Variants in KIF16B observed in about 807,000 individuals in gnomAD.
The protein encoded by KIF16B is kinesin family member 16B.
Under a neutral mutation model 156.3 loss-of-function variants are expected in KIF16B, and 98 were observed. The observed-to-expected ratio is 0.63, with a 90% CI of 0.53 to 0.74. The LOEUF is 0.74. KIF16B is among the 30% of genes least tolerant of loss of function. The pLI is 0.00. For missense variants in KIF16B, 1,421 were observed against 1,606.5 expected, an observed-to-expected ratio of 0.88 and a Z score of 1.97; for synonymous variants, 564 against 583.7, an observed-to-expected ratio of 0.97 and a Z score of 0.49.
intron 21 of KIF16B, 52 bp from the exon 22 acceptor site, chr20:16,370,688 G>T (rs2064796456): frequency 7.6e-7 from 1 of 1,320,034 alleles, no homozygotes; most frequent in Non-Finnish European, 1.0e-6. Flanking sequence ...AGTTCACGGG[G>T]CGGGGGACTG....
chr20:16,486,294 A>G (rs777175597), intron 12 of KIF16B, among the ~76,000 whole-genome samples: 2 of 152,060 alleles, frequency 1.3e-5, no homozygotes, highest in Non-Finnish European at 2.9e-5. Flanking sequence ...GGGAGAAAGG[A>G]AGGGAGGGAT....
intron 1 of KIF16B, among the ~76,000 whole-genome samples, chr20:16,547,465 C>T (rs777710592): frequency 8.5e-5 from 13 of 152,190 alleles, no homozygotes; most frequent in Non-Finnish European, 1.8e-4. Flanking sequence ...AAAAAAGAAG[C>T]GCAATCACAT....
intron 22 of KIF16B, chr20:16,367,679 C>A (rs575000982): frequency 6.2e-7 from 1 of 1,612,556 alleles, no homozygotes; most frequent in South Asian, 1.1e-5. Flanking sequence ...TTGGATGACA[C>A]CTGAACTCCA....
At chr20:16,373,440 G>A (rs1337029928) in intron 20 of KIF16B, among the ~76,000 whole-genome samples, 1 of 152,144 alleles carries the variant, frequency 6.6e-6, no homozygotes, top group Non-Finnish European at 1.5e-5. Context: ...TTTCTTACAG[G>A]CAAAGAATAA....
chr20:16,454,635 T>C (rs6043956), intron 12 of KIF16B, among the ~76,000 whole-genome samples: 47,645 of 151,942 alleles, frequency 0.31, 8,150 homozygotes, highest in African/African-American at 0.45. Flanking sequence ...GTTTAAAATA[T>C]CTTTGTAGAT....
At position 16,554,669 on chromosome 20, in the gene KIF16B, A is replaced by AGGAGAGAAGAGG. The variant is rs112025234; in HGVS notation, c.47+18548_47+18559dup. On this transcript the variant is annotated intron_variant, in intron 1 of 25. Coordinates refer to ENST00000354981, the MANE Select transcript of KIF16B (RefSeq NM_024704.5). ...GCTCACCACGTTGCAGGCAACAAAA[A>AGGAGAGAAGAGG]GGAGAGAAGAGGGGAGAGAAGAGCT... is the stretch of plus-strand genomic sequence containing the variant. 4.2e-3 allele frequency among the ~76,000 whole-genome samples: 638 copies of AGGAGAGAAGAGG among 152,350 alleles called. 3 individuals are homozygous for AGGAGAGAAGAGG. The highest frequency in any genetic ancestry group is 0.015 in the African/African-American group (604 of 41,584).
chr20:16,369,009 A>G (rs2064750497), intron 22 of KIF16B: 2 of 985,762 alleles, frequency 2.0e-6, no homozygotes, highest in Non-Finnish European at 2.4e-6. Context: ...CAAAATGGCC[A>G]GCATGCTCAG....
chr20:16,441,875 G>A (rs1045031472), intron 12 of KIF16B, among the ~76,000 whole-genome samples: 18 of 152,080 alleles, frequency 1.2e-4, no homozygotes, highest in African/African-American at 4.3e-4. Flanking sequence ...AGTAAAGCAG[G>A]CACCCTCTTA....
chr20:16,397,837 C>CAG lies in KIF16B; in HGVS notation c.1784+6975_1784+6976insCT, dbSNP rs1478395984. Among the ~76,000 whole-genome samples, 9 of 152,294 alleles carry CAG rather than the reference C, an allele frequency of 5.9e-5. No homozygotes were observed. In the East Asian group the frequency reaches 1.7e-3, roughly 29 times the overall value. On this transcript the variant is annotated intron_variant, in intron 17 of 25. Transcript: ENST00000354981. ...GGAGATAGAAAACAGCACACAGGGACCACTGACAAAAGACCTGGGCAGACC... is the reference window on the plus strand; with the variant it reads ...GGAGATAGAAAACAGCACACAGGGACAGCACTGACAAAAGACCTGGGCAGACC...
intron 23 of KIF16B, among the ~76,000 whole-genome samples, chr20:16,342,233 A>G (rs916517360): frequency 6.6e-6 from 1 of 151,722 alleles, no homozygotes; most frequent in Non-Finnish European, 1.5e-5. Flanking sequence ...TGTAACTAAT[A>G]CTAATTATAT....
At chr20:16,449,743 T>C (rs531538047) in intron 12 of KIF16B, among the ~76,000 whole-genome samples, 2 of 152,308 alleles carry the variant, frequency 1.3e-5, no homozygotes, top group South Asian at 2.1e-4. Flanking sequence ...GAACCCCTTA[T>C]CAAATAAACA....
chr20:16,313,987 G>A (rs1601550055), intron 24 of KIF16B, among the ~76,000 whole-genome samples: 1 of 152,312 alleles, frequency 6.6e-6, no homozygotes, highest in Non-Finnish European at 1.5e-5. Flanking sequence ...GAGTGTGTGT[G>A]TGTTCAGCTG....
At chr20:16,435,473 G>A (rs1255163209) in intron 12 of KIF16B, among the ~76,000 whole-genome samples, 1 of 152,104 alleles carries the variant, frequency 6.6e-6, no homozygotes, top group Non-Finnish European at 1.5e-5. Flanking sequence ...GAAATTCAAT[G>A]GCTTAATTAG....
intron 25 of KIF16B, among the ~76,000 whole-genome samples, chr20:16,284,302 C>T (rs2063190079): frequency 6.6e-6 from 1 of 152,232 alleles, no homozygotes; most frequent in African/African-American, 2.4e-5. Context: ...ACTTGCCACT[C>T]AGAACTTGCC....
rs112840170 is a variant in KIF16B at position 16,325,833 on chromosome 20, C to T, written c.3711+10093G>A. Reference sequence around the variant, plus strand: ...TCCTATGGAACCAAAAAAGAGCCCACATAGCCAAAGCAAGACTAGCAAAAA... The same window carrying T: ...TCCTATGGAACCAAAAAAGAGCCCATATAGCCAAAGCAAGACTAGCAAAAA... On this transcript the variant is annotated intron_variant, in intron 24 of 25. Transcript: ENST00000354981. 4.1e-3 allele frequency among the ~76,000 whole-genome samples: 622 copies of T among 152,074 alleles called. 9 individuals carry two copies. Among genetic ancestry groups the T allele is most frequent in the African/African-American group, 0.014 (586 of 41,506 alleles).
chr20:16,420,725 G>T (rs1300075844), intron 15 of KIF16B, among the ~76,000 whole-genome samples: 1 of 151,886 alleles, frequency 6.6e-6, no homozygotes, highest in Non-Finnish European at 1.5e-5. Flanking sequence ...TTTGTTTTTT[G>T]ATCTAATCAA....
intron 12 of KIF16B, among the ~76,000 whole-genome samples, chr20:16,491,526 A>C (rs954249661): frequency 6.6e-6 from 1 of 152,204 alleles, no homozygotes; most frequent in African/African-American, 2.4e-5. Flanking sequence ...TACTTTCAAA[A>C]TAACTCAGAA....
intron 23 of KIF16B, among the ~76,000 whole-genome samples, chr20:16,343,719 TA>T (rs1212995161): frequency 6.6e-6 from 1 of 152,202 alleles, no homozygotes; most frequent in Admixed American, 6.5e-5. Context: ...GGATAAGGTT[TA>T]ATTAAAATCT....
In KIF16B at chr20:16,332,588, C is replaced by T. The variant is rs1002486593; in HGVS notation, c.3711+3338G>A. ...TAATTATAAGCCACAAAATTAAACA[C>T]AACATGGAGAACCAATTTCCATTCT... On this transcript the variant is annotated intron_variant, in intron 24 of 25. Transcript: ENST00000354981. Among the ~76,000 whole-genome samples, 13 of 152,168 alleles carry T rather than the reference C, an allele frequency of 8.5e-5. No individual in the cohort carries two copies. The South Asian group carries it at 1.0e-3, about 12-fold the overall frequency.
Sources: gnomAD v4.1 joint callset for allele counts (sites outside exome capture counted in the v4.1 genomes callset) on GRCh38, gnomAD v4.1.1 for gene constraint, MANE v1.5 for transcripts, NCBI Gene and HGNC (gene_info 2026-07-23, HGNC 2026-07-21) for gene names.